The following CNTNAP2 variants were observed in gnomAD, a reference collection of about 807,000 sequenced individuals.
CNTNAP2 encodes contactin-associated protein-like 2.
A neutral mutation model predicts 155.2 loss-of-function variants in CNTNAP2; 98 were observed. That is an observed-to-expected ratio of 0.63 (90% CI 0.54 to 0.75). The LOEUF is 0.75. CNTNAP2 is among the 30% of genes least tolerant of loss of function. The pLI, the probability that CNTNAP2 is intolerant of heterozygous loss-of-function variation, is 0.00. For missense variants in CNTNAP2, 1,727 were observed against 1,688.1 expected, an observed-to-expected ratio of 1.02 and a Z score of -0.40; for synonymous variants, 651 against 631.2, an observed-to-expected ratio of 1.03 and a Z score of -0.47.
At chr7:148,258,151 A>G (rs1163238131) in intron 20 of CNTNAP2, among the ~76,000 whole-genome samples, 1 of 152,332 alleles carries the variant, frequency 6.6e-6, no homozygotes, top group Middle Eastern at 3.4e-3. Context: ...TCTGACAACC[A>G]GGTGGATTTC....
intron 8 of CNTNAP2, among the ~76,000 whole-genome samples, chr7:147,280,255 A>G (rs542465264): frequency 6.6e-5 from 10 of 152,018 alleles, no homozygotes; most frequent in Non-Finnish European, 1.0e-4. Context: ...GGAATAAATA[A>G]ATTAAACAAC....
At position 147,188,562 on chromosome 7, in the gene CNTNAP2, A is replaced by G. The variant is rs113897367; in HGVS notation, c.1348+56053A>G. ...GGCTTCTGTAAATGCAAAATACAGG[A>G]TGAAATAAAGGCTCAGTCTGACAGC... On this transcript the variant is annotated intron_variant, in intron 8 of 23. Transcript: ENST00000361727. 3.3e-4 allele frequency among the ~76,000 whole-genome samples: 51 copies of G among 152,324 alleles called. 1 individual carries two copies. Among genetic ancestry groups the G allele is most frequent in the African/African-American group, 1.1e-3 (46 of 41,574 alleles).
chr7:148,312,778 A>G (rs563486868), intron 21 of CNTNAP2, among the ~76,000 whole-genome samples: 19 of 152,250 alleles, frequency 1.2e-4, no homozygotes, highest in African/African-American at 2.2e-4. Flanking sequence ...CTTTTAAAGC[A>G]TGCTGTGGGA....
At chr7:147,887,190 G>A (rs1799616183) in intron 13 of CNTNAP2, among the ~76,000 whole-genome samples, 1 of 152,176 alleles carries the variant, frequency 6.6e-6, no homozygotes, top group African/African-American at 2.4e-5. Context: ...AAATGCATAA[G>A]GCCAGGCGTG....
intron 1 of CNTNAP2, among the ~76,000 whole-genome samples, chr7:146,272,031 T>C (rs757465069): frequency 8.5e-5 from 13 of 152,136 alleles, no homozygotes; most frequent in Non-Finnish European, 1.8e-4. Context: ...TAAAATAATC[T>C]AACACTGTGT....
intron 13 of CNTNAP2, among the ~76,000 whole-genome samples, chr7:147,849,008 C>T (rs1040686914): frequency 1.3e-5 from 2 of 152,032 alleles, no homozygotes; most frequent in Non-Finnish European, 2.9e-5. Context: ...GCTACGTACT[C>T]TGAAAAGTAT....
intron 1 of CNTNAP2, among the ~76,000 whole-genome samples, chr7:146,280,395 C>T (rs1421499804): frequency 6.6e-6 from 1 of 152,074 alleles, no homozygotes; most frequent in Non-Finnish European, 1.5e-5. Context: ...CAACAGGTGT[C>T]TGCCCTTTTT....
chr7:146,319,581 C>A (rs977230105), intron 1 of CNTNAP2, among the ~76,000 whole-genome samples: 1 of 152,160 alleles, frequency 6.6e-6, no homozygotes, highest in African/African-American at 2.4e-5. Context: ...AATTTGAACT[C>A]ACATTGTTTT....
chr7:147,914,067 AT>A (rs933342712), intron 14 of CNTNAP2, among the ~76,000 whole-genome samples: 1 of 152,112 alleles, frequency 6.6e-6, no homozygotes, highest in Non-Finnish European at 1.5e-5. Flanking sequence ...AAAAAAAAAA[AT>A]AACCTGTAGA....
chr7:146,521,451 T>G (rs1443515618), intron 1 of CNTNAP2, among the ~76,000 whole-genome samples: 1 of 151,998 alleles, frequency 6.6e-6, no homozygotes, highest in Non-Finnish European at 1.5e-5. Flanking sequence ...CTGAATAATT[T>G]ACTTTTTTTT....
intron 1 of CNTNAP2, among the ~76,000 whole-genome samples, chr7:146,685,214 G>A (rs999008917): frequency 6.6e-6 from 1 of 152,164 alleles, no homozygotes; most frequent in Non-Finnish European, 1.5e-5. Flanking sequence ...CTGCCAAGCT[G>A]TATCCACTAT....
At chr7:146,881,708 A>G (rs1795554429) in intron 3 of CNTNAP2, among the ~76,000 whole-genome samples, 1 of 151,778 alleles carries the variant, frequency 6.6e-6, no homozygotes, top group Non-Finnish European at 1.5e-5. Context: ...TTTTACCCCC[A>G]AGAGTTATGA....
At chr7:148,320,376 C>CTT (rs67424217) in intron 21 of CNTNAP2, among the ~76,000 whole-genome samples, 220 of 63,356 alleles carry the variant, frequency 3.5e-3, no homozygotes, top group Admixed American at 6.1e-3. Context: ...ATTTTTTTTT[C>CTT]TTTTTTTTTT....
chr7:147,761,191 A>G (rs2116518803), intron 13 of CNTNAP2, among the ~76,000 whole-genome samples: 1 of 152,334 alleles, frequency 6.6e-6, no homozygotes, highest in African/African-American at 2.4e-5. Context: ...TATTAATGAC[A>G]AATGTTTTGT....
At chr7:146,742,602 G>C (rs1026652485) in intron 1 of CNTNAP2, among the ~76,000 whole-genome samples, 3 of 152,128 alleles carry the variant, frequency 2.0e-5, no homozygotes, top group Non-Finnish European at 4.4e-5. Context: ...AGCAGAGAGA[G>C]AAATCAGAAG....
At chr7:147,535,609 A>G (rs1799525356) in intron 11 of CNTNAP2, among the ~76,000 whole-genome samples, 1 of 152,110 alleles carries the variant, frequency 6.6e-6, no homozygotes, top group South Asian at 2.1e-4. Context: ...TCTTCCTCCA[A>G]AGTTCTAATC....
intron 13 of CNTNAP2, among the ~76,000 whole-genome samples, chr7:147,839,980 C>G (rs1251921267): frequency 1.3e-5 from 2 of 149,928 alleles, no homozygotes; most frequent in Non-Finnish European, 3.0e-5. Flanking sequence ...GAATACTACT[C>G]AGCCATAAAC....
intron 3 of CNTNAP2, among the ~76,000 whole-genome samples, chr7:147,032,453 C>G (rs549332320): frequency 6.6e-6 from 1 of 152,148 alleles, no homozygotes; most frequent in African/African-American, 2.4e-5. Context: ...ATCCTAAGTT[C>G]ATTCCTATAT....
chr7:148,079,263 A>G (rs1026990967), intron 15 of CNTNAP2, among the ~76,000 whole-genome samples: 9 of 152,198 alleles, frequency 5.9e-5, no homozygotes, highest in African/African-American at 1.9e-4. Context: ...TACATGTAAG[A>G]TATACTTTGG....
Sources: allele counts gnomAD v4.1 joint callset (sites outside exome capture counted in the v4.1 genomes callset), GRCh38; gene constraint gnomAD v4.1.1; transcripts MANE v1.5; gene names NCBI Gene and HGNC (gene_info 2026-07-23, HGNC 2026-07-21).